The following SLC12A1 variants were observed in gnomAD, a reference collection of about 807,000 sequenced individuals.
SLC12A1 encodes the protein Na-K-2Cl cotransporter.
In SLC12A1, 89 loss-of-function variants were observed where a neutral mutation model predicts 130.4. The ratio of observed to expected loss-of-function variants is 0.68; its 90% CI spans 0.58 to 0.81. The LOEUF (loss-of-function observed/expected upper bound fraction) is 0.81, where lower values mean the gene tolerates loss of function less well. Ranked by LOEUF, SLC12A1 falls within the 40% of genes least tolerant of loss-of-function variation. The pLI is 0.00. For missense variants in SLC12A1, 1,310 were observed against 1,336.4 expected (o/e 0.98, Z 0.31); for synonymous variants, 499 against 460.0 (o/e 1.08, Z -1.09).
intron 20 of SLC12A1, among the ~76,000 whole-genome samples, chr15:48,280,036 G>A (rs2041994599): frequency 6.6e-6 from 1 of 152,050 alleles, no homozygotes; most frequent in South Asian, 2.1e-4. Flanking sequence ...CTGTAAAATG[G>A]GAAGGGATTC....
At chr15:48,273,111 A>C (rs1269210284) in intron 19 of SLC12A1, among the ~76,000 whole-genome samples, 1 of 151,172 alleles carries the variant, frequency 6.6e-6, no homozygotes, top group Non-Finnish European at 1.5e-5. Context: ...AAAAAAAAAA[A>C]AAAAAAAAAC....
At position 48,302,778 on chromosome 15, in the gene SLC12A1, A is replaced by C; in HGVS notation, c.3193A>C (p.Ile1065Leu). 1 of 1,612,710 alleles carries C rather than the reference A, an allele frequency of 6.2e-7. No individual in the cohort carries two copies. Among genetic ancestry groups the C allele is most frequent in the Non-Finnish European group, 8.5e-7 (1 of 1,179,268 alleles). ...LSLPVARKGS[I>L]SDLLYMAWLE... ...CCTTCCCGTGGCAAGAAAGGGATCC[A>C]TATCGGATTTGTTGTATATGGCTTG... Residue 1065 changes from isoleucine (I) to leucine (L), a missense_variant, in exon 27 of 27, where the codon ATA (isoleucine) becomes CTA (leucine). By Grantham distance (5) the Ile-to-Leu change is conservative. Coordinates refer to ENST00000380993, the MANE Select transcript of SLC12A1 (RefSeq NM_000338.3).
At chr15:48,269,836 A>G in intron 19 of SLC12A1, 72 bp downstream of exon 19, 1 of 763,134 alleles carries the variant, frequency 1.3e-6, no homozygotes, top group Non-Finnish European at 2.3e-6. Context: ...CTTGTACTGC[A>G]CATAACACTG....
rs1243462550 is a variant in SLC12A1 at position 48,247,386 on chromosome 15, G to T, written c.1610G>T (p.Gly537Val). The T allele has an allele frequency of 6.2e-7, 1 of 1,612,756 alleles. No homozygotes were observed. The highest frequency in any genetic ancestry group is 8.5e-7 in the Non-Finnish European group (1 of 1,178,962). The change falls in exon 13 of 27, where the codon GGA becomes GTA. Residue 537 changes from glycine to valine, a missense_variant. Physicochemically the swap from Gly to Val is moderately radical, Grantham distance 109. Transcript: ENST00000380993. ...AAAGCCCTGCAGTTTTTTGCAAAGGGATATGGGAAAAACAATGAACCCCTG... is the reference window on the plus strand; with the variant it reads ...AAAGCCCTGCAGTTTTTTGCAAAGGTATATGGGAAAAACAATGAACCCCTG... ...IYKALQFFAK[G>V]YGKNNEPLRG... is the part of the protein sequence containing the mutation.
At chr15:48,235,209 T>G (rs2041426647) in intron 9 of SLC12A1, 1 of 633,202 alleles carries the variant, frequency 1.6e-6, no homozygotes, top group Non-Finnish European at 2.8e-6. Flanking sequence ...AAAGTCTTAT[T>G]CAGTGATATC....
chr15:48,229,190 TG>T lies in SLC12A1; in HGVS notation c.730del (p.Ala244ProfsTer9). ...AAGTATGTTCATTTCTTGTTTCAGG[TG>T]GGGCCTACTATCTTATTTCCAGAAG... ...IATNGFVRGG[G>X]AYYLISRSLG... On this transcript the variant is annotated frameshift_variant and splice_region_variant, in exon 6 of 27. Coordinates refer to ENST00000380993, the MANE Select transcript of SLC12A1 (RefSeq NM_000338.3). LOFTEE classifies it high-confidence loss of function. 6.3e-7 allele frequency: 1 copy of T among 1,585,520 alleles called. No homozygotes were observed. The highest frequency in any genetic ancestry group is 8.6e-7 in the Non-Finnish European group (1 of 1,164,620).
intron 2 of SLC12A1, among the ~76,000 whole-genome samples, chr15:48,214,467 A>C (rs1000080897): frequency 3.9e-5 from 6 of 152,172 alleles, no homozygotes; most frequent in African/African-American, 1.4e-4. Context: ...TTTGTGTGTG[A>C]GATATGTGTT....
intron 8 of SLC12A1, among the ~76,000 whole-genome samples, chr15:48,234,192 T>C (rs954985722): frequency 3.3e-5 from 5 of 151,826 alleles, no homozygotes; most frequent in East Asian, 1.9e-4. Context: ...AATGTAGTTG[T>C]GTGTGTGTGT....
chr15:48,230,750 T>C (rs540935162), intron 7 of SLC12A1, among the ~76,000 whole-genome samples: 1 of 152,322 alleles, frequency 6.6e-6, no homozygotes, highest in East Asian at 1.9e-4. Flanking sequence ...GCGGCTGCCT[T>C]ATGCACAGAC....
chr15:48,281,056 C>T (rs1348698649), intron 20 of SLC12A1, among the ~76,000 whole-genome samples: 1 of 152,138 alleles, frequency 6.6e-6, no homozygotes, highest in African/African-American at 2.4e-5. Context: ...GCATGAAGAA[C>T]ATGGGAGGGA....
intron 20 of SLC12A1, among the ~76,000 whole-genome samples, chr15:48,277,255 G>A (rs1035435107): frequency 6.6e-6 from 1 of 151,548 alleles, no homozygotes; most frequent in African/African-American, 2.4e-5. Flanking sequence ...GATCCAGGAG[G>A]AACAGAAAAT....
chr15:48,269,828 T>G (rs2041873650), intron 19 of SLC12A1, 64 bp downstream of exon 19: 1 of 829,758 alleles, frequency 1.2e-6, no homozygotes, highest in South Asian at 1.4e-5. Flanking sequence ...GTACATAACT[T>G]GTACTGCACA....
chr15:48,216,753 C>T (rs2041126222), intron 2 of SLC12A1, among the ~76,000 whole-genome samples: 1 of 152,150 alleles, frequency 6.6e-6, no homozygotes, highest in South Asian at 2.1e-4. Flanking sequence ...TTAACACATT[C>T]CTCAATTCCC....
intron 19 of SLC12A1, 48 bp from the exon 20 acceptor site, chr15:48,274,523 G>T (rs367567161): frequency 8.5e-5 from 103 of 1,218,620 alleles, no homozygotes; most frequent in Non-Finnish European, 1.2e-4. Flanking sequence ...AAAGCTTGAG[G>T]ATTAAAAGAG....
chr15:48,281,703 G>T (rs974144676), intron 20 of SLC12A1, among the ~76,000 whole-genome samples: 3 of 152,178 alleles, frequency 2.0e-5, no homozygotes, highest in African/African-American at 7.2e-5. Context: ...CCCAGTATTC[G>T]TATCAAATGA....
intron 24 of SLC12A1, among the ~76,000 whole-genome samples, chr15:48,292,214 G>A (rs2042129239): frequency 6.6e-6 from 1 of 152,202 alleles, no homozygotes. Flanking sequence ...GTTATTCAGA[G>A]TTACTCGTGG....
At chr15:48,220,166 GAT>G (rs2041190688) in intron 2 of SLC12A1, among the ~76,000 whole-genome samples, 2 of 149,710 alleles carry the variant, frequency 1.3e-5, no homozygotes, top group African/African-American at 4.9e-5. Context: ...TAGATAGATA[GAT>G]AGATAGATAG....
chr15:48,274,994 A>G (rs1487911201), intron 20 of SLC12A1, among the ~76,000 whole-genome samples: 3 of 152,226 alleles, frequency 2.0e-5, no homozygotes, highest in African/African-American at 7.2e-5. Flanking sequence ...AATGAAGATT[A>G]ATTCTTTCCT....
intron 20 of SLC12A1, among the ~76,000 whole-genome samples, chr15:48,282,174 C>T (rs74992105): frequency 0.05 from 7,564 of 152,218 alleles, 205 homozygotes; most frequent in African/African-American, 0.067. Context: ...TCCAAGATGG[C>T]AAAGCAAGCT....
Sources: gnomAD v4.1 joint callset for allele counts (sites outside exome capture counted in the v4.1 genomes callset) on GRCh38, gnomAD v4.1.1 for gene constraint, MANE v1.5 for transcripts, NCBI Gene and HGNC (gene_info 2026-07-23, HGNC 2026-07-21) for gene names.